The following ADCY5 variants were observed in gnomAD, a reference collection of about 807,000 sequenced individuals.
ADCY5 encodes the protein adenylate cyclase 5.
A neutral mutation model predicts 119.7 loss-of-function variants in ADCY5; 30 were observed. The ratio of observed to expected loss-of-function variants is 0.25; its 90% confidence interval spans 0.19 to 0.34. ADCY5 has a LOEUF of 0.34. ADCY5 is among the 10% of genes least tolerant of loss of function. ADCY5 has a pLI of 1.00. For missense variants in ADCY5, 1,324 were observed against 1,775.2 expected (o/e 0.75, Z 4.57); for synonymous variants, 753 against 762.2 (o/e 0.99, Z 0.20).
Position 123,284,078 on chromosome 3 carries a change from C to T in ADCY5, c.*530G>A, listed in dbSNP as rs1379555790. The T allele has an allele frequency of 6.5e-6, 1 of 153,480 alleles. No homozygotes were observed. Among genetic ancestry groups the T allele is most frequent in the Admixed American group, 6.5e-5 (1 of 15,472 alleles). The allele number at this position is 153,480 out of a possible 1,614,324, so 9.5% of individuals were successfully genotyped here. On this transcript the variant is annotated 3_prime_UTR_variant, in exon 21 of 21. Coordinates refer to ENST00000462833, the MANE Select transcript of ADCY5 (RefSeq NM_183357.3). The stretch of plus-strand genomic sequence containing the variant: ...GTGCGTGGAGGTGTGGGCAGAGGAC[C>T]ACGATGAAGGCCACAGTCCCTCCAA...
Position 123,443,365 on chromosome 3 carries a change from C to G in ADCY5, c.1134+4047G>C, listed in dbSNP as rs1291325462. Reference sequence around the variant, plus strand: ...AAGCCAACTACCAGCCAAGAATAAACAGGACAGGGCTGCCATGATCTCCTT... The same window carrying G: ...AAGCCAACTACCAGCCAAGAATAAAGAGGACAGGGCTGCCATGATCTCCTT... On this transcript the variant is annotated intron_variant, in intron 1 of 20. Transcript: ENST00000462833. 2.0e-5 allele frequency among the ~76,000 whole-genome samples: 3 copies of G among 152,184 alleles called. No homozygotes were observed. In the East Asian group the frequency reaches 5.8e-4, roughly 29 times the overall value.
chr3:123,427,259 C>A (rs1945434486), intron 1 of ADCY5, among the ~76,000 whole-genome samples: 1 of 152,218 alleles, frequency 6.6e-6, no homozygotes, highest in East Asian at 1.9e-4. Flanking sequence ...TAACACTAGA[C>A]CCACCTTTCT....
intron 7 of ADCY5, among the ~76,000 whole-genome samples, chr3:123,326,286 C>A (rs554868854): frequency 1.3e-5 from 2 of 152,350 alleles, no homozygotes; most frequent in African/African-American, 4.8e-5. Flanking sequence ...ACACACTCCC[C>A]AGGATCTCAT....
At chr3:123,317,472 C>A (rs913377528) in intron 11 of ADCY5, among the ~76,000 whole-genome samples, 5 of 152,030 alleles carry the variant, frequency 3.3e-5, no homozygotes, top group Non-Finnish European at 2.9e-5. Flanking sequence ...TGGTGGCTCA[C>A]GCCTGTAATC....
intron 1 of ADCY5, chr3:123,419,219 A>C: frequency 1.0e-6 from 1 of 985,358 alleles, no homozygotes; most frequent in South Asian, 4.7e-5. Context: ...TGACGAGCAC[A>C]CAGTCAGGTG....
At chr3:123,347,662 C>A in intron 3 of ADCY5, 120 bp downstream of exon 3, 1 of 1,326,060 alleles carries the variant, frequency 7.5e-7, no homozygotes, top group Non-Finnish European at 1.1e-6. Flanking sequence ...CTCTAGATGA[C>A]ACACTCCAAA....
intron 1 of ADCY5, among the ~76,000 whole-genome samples, chr3:123,378,791 A>G (rs559326663): frequency 6.6e-6 from 1 of 152,340 alleles, no homozygotes; most frequent in South Asian, 2.1e-4. Flanking sequence ...GATGTCATTA[A>G]TTATGTCTCT....
chr3:123,413,032 G>A (rs1344931661), intron 1 of ADCY5, among the ~76,000 whole-genome samples: 5 of 152,134 alleles, frequency 3.3e-5, no homozygotes, highest in South Asian at 2.1e-4. Context: ...CCCTGGAGAC[G>A]ACCTCACCGT....
chr3:123,297,459 C>G (rs772186927), intron 15 of ADCY5, 77 bp from the exon 16 acceptor site: 1 of 1,486,254 alleles, frequency 6.7e-7, no homozygotes, highest in African/African-American at 1.4e-5. Flanking sequence ...TCAGCCCCCA[C>G]GCCCTGCTCT....
At chr3:123,427,333 C>G (rs1945435641) in intron 1 of ADCY5, among the ~76,000 whole-genome samples, 1 of 152,214 alleles carries the variant, frequency 6.6e-6, no homozygotes, top group South Asian at 2.1e-4. Context: ...TCTCCTTTCC[C>G]TCCAACAAAC....
intron 1 of ADCY5, among the ~76,000 whole-genome samples, chr3:123,373,210 C>T (rs1943695875): frequency 6.6e-6 from 1 of 152,238 alleles, no homozygotes. Flanking sequence ...CTGGTGTGTC[C>T]CAATCACAGC....
intron 1 of ADCY5, among the ~76,000 whole-genome samples, chr3:123,441,442 G>A (rs1052453621): frequency 9.9e-5 from 15 of 152,102 alleles, no homozygotes; most frequent in African/African-American, 3.4e-4. Context: ...ACAGAGAGCT[G>A]GCTACCCTAA....
chr3:123,348,858 C>T (rs1942701287), intron 2 of ADCY5, among the ~76,000 whole-genome samples: 1 of 152,146 alleles, frequency 6.6e-6, no homozygotes, highest in Non-Finnish European at 1.5e-5. Flanking sequence ...CTGCCTCCAG[C>T]CCTCCTCATT....
chr3:123,416,542 C>T (rs1945189277), intron 1 of ADCY5, among the ~76,000 whole-genome samples: 1 of 152,148 alleles, frequency 6.6e-6, no homozygotes, highest in South Asian at 2.1e-4. Context: ...AACTCCTACC[C>T]GATAGGGCTT....
At chr3:123,414,044 G>C (rs186157713) in intron 1 of ADCY5, among the ~76,000 whole-genome samples, 98 of 152,304 alleles carry the variant, frequency 6.4e-4, no homozygotes, top group African/African-American at 2.3e-3. Context: ...GGAGGAGGGA[G>C]AGAGACTGAG....
At chr3:123,334,698 A>G (rs372470598) in intron 3 of ADCY5, among the ~76,000 whole-genome samples, 104 of 152,342 alleles carry the variant, frequency 6.8e-4, no homozygotes, top group African/African-American at 2.4e-3. Flanking sequence ...AGACAGTGCC[A>G]CTGCACTCCA....
rs186836843 is a variant in ADCY5 at position 123,399,250 on chromosome 3, A to G, written c.1135-46669T>C. Among the ~76,000 whole-genome samples, 4 of 152,380 alleles carry G rather than the reference A, an allele frequency of 2.6e-5. No individual in the cohort carries two copies. In the East Asian group the frequency reaches 7.7e-4, roughly 29 times the overall value. ...TTCATATTGGTTACCTGTTAAAATGATAATATTTGGATATGCTGGGTTAAA... is the reference window on the plus strand; with the variant it reads ...TTCATATTGGTTACCTGTTAAAATGGTAATATTTGGATATGCTGGGTTAAA... On this transcript the variant is annotated intron_variant, in intron 1 of 20. Transcript: ENST00000462833.
chr3:123,435,890 A>ATTATTG (rs1307818961), intron 1 of ADCY5, among the ~76,000 whole-genome samples: 6 of 144,904 alleles, frequency 4.1e-5, no homozygotes, highest in Non-Finnish European at 9.0e-5. Context: ...TATTATTATT[A>ATTATTG]TTATTATTAT....
intron 3 of ADCY5, among the ~76,000 whole-genome samples, chr3:123,345,867 C>T (rs1942527504): frequency 6.6e-6 from 1 of 152,072 alleles, no homozygotes; most frequent in African/African-American, 2.4e-5. Flanking sequence ...GACCTCCTTC[C>T]CAGATTCCTT....
Sources: allele counts gnomAD v4.1 joint callset (sites outside exome capture counted in the v4.1 genomes callset), GRCh38; gene constraint gnomAD v4.1.1; transcripts MANE v1.5; gene names NCBI Gene and HGNC (gene_info 2026-07-23, HGNC 2026-07-21).